The following CBFB variants were observed in gnomAD, a reference collection of about 807,000 sequenced individuals.
CBFB encodes core-binding factor subunit beta.
CBFB carries 9 observed loss-of-function variants against 30.4 expected under a neutral mutation model. The ratio of observed to expected loss-of-function variants is 0.30; its 90% CI spans 0.18 to 0.52. CBFB has a LOEUF of 0.52. CBFB is among the 20% of genes least tolerant of loss of function. The pLI is 0.97. For missense variants in CBFB, 170 were observed against 244.0 expected (o/e 0.70, Z 2.02); for synonymous variants, 94 against 84.0 (o/e 1.12, Z -0.65).
chr16:67,065,938 G>T (rs1961038645), intron 3 of CBFB, among the ~76,000 whole-genome samples: 2 of 152,274 alleles, frequency 1.3e-5, no homozygotes, highest in South Asian at 4.1e-4. Flanking sequence ...AAGGATAGCA[G>T]TGTTTTGTTC....
At chr16:67,029,561 C>A in intron 1 of CBFB, 76 bp downstream of exon 1, 2 of 1,459,172 alleles carry the variant, frequency 1.4e-6, no homozygotes, top group South Asian at 1.2e-5. Flanking sequence ...GTTTGGGCGG[C>A]ACGGTCCCCG....
At chr16:67,054,982 G>T (rs1172481541) in intron 3 of CBFB, among the ~76,000 whole-genome samples, 1 of 138,360 alleles carries the variant, frequency 7.2e-6, no homozygotes, top group African/African-American at 2.8e-5. Context: ...GCTCTTTTTT[G>T]TGTGTGCTAC....
intron 5 of CBFB, among the ~76,000 whole-genome samples, chr16:67,094,365 G>GACAACTTT (rs1409832240): frequency 6.6e-6 from 1 of 151,882 alleles, no homozygotes. Context: ...ATAATAGCAA[G>GACAACTTT]ACAACTTTTC....
chr16:67,084,978 G>A (rs1164347171), intron 5 of CBFB, among the ~76,000 whole-genome samples: 3 of 152,324 alleles, frequency 2.0e-5, no homozygotes, highest in South Asian at 4.1e-4. Context: ...GTAAATACAT[G>A]TGAAACCACT....
At chr16:67,066,269 C>T (rs538643583) in intron 3 of CBFB, among the ~76,000 whole-genome samples, 18 of 151,604 alleles carry the variant, frequency 1.2e-4, no homozygotes, top group Non-Finnish European at 2.4e-4. Flanking sequence ...AGTGTCTGGC[C>T]GGGCATGGTA....
chr16:67,031,347 C>T (rs1966342573), intron 2 of CBFB, among the ~76,000 whole-genome samples: 1 of 152,150 alleles, frequency 6.6e-6, no homozygotes, highest in Non-Finnish European at 1.5e-5. Context: ...GGTTTTGGCA[C>T]TGAGTGGTAT....
Position 67,029,283 on chromosome 16 carries a change from G to A in CBFB, c.-125G>A. 1 of 578,974 alleles carries A rather than the reference G, an allele frequency of 1.7e-6. No individual in the cohort carries two copies. Among genetic ancestry groups the A allele is most frequent in the Non-Finnish European group, 2.5e-6 (1 of 392,252 alleles). 35.9% of individuals were successfully genotyped at this position (578,974 alleles called of 1,614,324 possible). On this transcript the variant is annotated 5_prime_UTR_variant, in exon 1 of 6. Transcript: ENST00000412916. ...CGGGAGCCCACGCGGGCGGGCGCCT[G>A]AAACAAAGGGAAGCGGGCGTCCGGG...
intron 2 of CBFB, 64 bp downstream of exon 2, chr16:67,029,877 C>A: frequency 2.7e-6 from 3 of 1,100,342 alleles, no homozygotes; most frequent in African/African-American, 1.7e-5. Context: ...CGGCCCAGGC[C>A]GGTTCCGGAC....
chr16:67,046,366 G>T (rs1355728559), intron 3 of CBFB, among the ~76,000 whole-genome samples: 1 of 152,130 alleles, frequency 6.6e-6, no homozygotes, highest in Non-Finnish European at 1.5e-5. Context: ...CTCTCAAAGT[G>T]CTGGGATTAC....
At chr16:67,065,703 T>C (rs1338723405) in intron 3 of CBFB, among the ~76,000 whole-genome samples, 2 of 152,176 alleles carry the variant, frequency 1.3e-5, no homozygotes, top group Admixed American at 6.5e-5. Flanking sequence ...GATTTTGTTA[T>C]AGTATTTAAG....
chr16:67,080,245 A>C (rs1450492096), intron 4 of CBFB, among the ~76,000 whole-genome samples: 1 of 152,220 alleles, frequency 6.6e-6, no homozygotes, highest in Non-Finnish European at 1.5e-5. Context: ...TGTGTGGTAG[A>C]TTGGGTTGAG....
chr16:67,050,729 C>G (rs1200785322), intron 3 of CBFB, among the ~76,000 whole-genome samples: 1 of 151,930 alleles, frequency 6.6e-6, no homozygotes, highest in African/African-American at 2.4e-5. Flanking sequence ...GGAGTTTGAG[C>G]CTACAGTGAA....
At chr16:67,080,860 AGGT>A (rs1961533926) in intron 4 of CBFB, among the ~76,000 whole-genome samples, 1 of 152,234 alleles carries the variant, frequency 6.6e-6, no homozygotes, top group African/African-American at 2.4e-5. Flanking sequence ...AGGATTAAGT[AGGT>A]AAAGAAAACG....
At position 67,098,981 on chromosome 16, in the gene CBFB, G is replaced by T; in HGVS notation, c.*203G>T. The T allele has an allele frequency of 2.3e-6, 1 of 434,846 alleles. No homozygotes were observed. The allele number at this position is 434,846 out of a possible 1,614,324, so 26.9% of individuals were successfully genotyped here. On this transcript the variant is annotated 3_prime_UTR_variant, in exon 6 of 6. Coordinates refer to ENST00000412916, the MANE Select transcript of CBFB (RefSeq NM_022845.3). The stretch of plus-strand genomic sequence containing the variant: ...CCTGCATTTCTAATTTTTTAAGCAT[G>T]TAGCCAGTAATAATTTGAAGTTTTT...
chr16:67,032,089 T>C (rs1966361001), intron 2 of CBFB, among the ~76,000 whole-genome samples: 1 of 152,216 alleles, frequency 6.6e-6, no homozygotes, highest in Non-Finnish European at 1.5e-5. Flanking sequence ...TCTCAGACTT[T>C]GCTGAATGGA....
rs188338048 is a variant in CBFB at position 67,043,166 on chromosome 16, G to A, written c.282+6411G>A. Among the ~76,000 whole-genome samples, 289 of 152,302 alleles carry A rather than the reference G, an allele frequency of 1.9e-3. 1 individual carries two copies. The highest frequency in any genetic ancestry group is 6.4e-3 in the African/African-American group (268 of 41,554). On this transcript the variant is annotated intron_variant, in intron 3 of 5. Coordinates refer to ENST00000412916, the MANE Select transcript of CBFB (RefSeq NM_022845.3). The stretch of plus-strand genomic sequence containing the variant: ...GTCTAGCCCACATTCAACAGGGAGG[G>A]AGGGATTACACAGGGGTGTGAATAC...
chr16:67,090,656 C>T (rs185287224), intron 5 of CBFB, among the ~76,000 whole-genome samples: 1 of 152,266 alleles, frequency 6.6e-6, no homozygotes, highest in African/African-American at 2.4e-5. Context: ...AACTCAGCTC[C>T]AAGGTGACAG....
chr16:67,029,299 G>A lies in CBFB; in HGVS notation c.-109G>A, dbSNP rs1254121262. ...CGGGCGCCTGAAACAAAGGGAAGCGGGCGTCCGGGCGCCGCGGGTGGGCGG... is the reference window on the plus strand; with the variant it reads ...CGGGCGCCTGAAACAAAGGGAAGCGAGCGTCCGGGCGCCGCGGGTGGGCGG... On this transcript the variant is annotated 5_prime_UTR_variant, in exon 1 of 6. Transcript: ENST00000412916. 4.5e-6 allele frequency: 3 copies of A among 664,292 alleles called. No homozygotes were observed. The highest frequency in any genetic ancestry group is 6.4e-6 in the Non-Finnish European group (3 of 466,304). 41.1% of individuals were successfully genotyped at this position (664,292 alleles called of 1,614,324 possible).
Position 67,029,718 on chromosome 16 carries a change from G to T in CBFB, c.79-9G>T, listed in dbSNP as rs375340632. The T allele has an allele frequency of 1.1e-5, 17 of 1,585,446 alleles. No individual in the cohort carries two copies. In the African/African-American group the frequency reaches 2.4e-4, roughly 22 times the overall value. ...TTGGCTCCTGATTTCGGGCCGTCTT[G>T]CCTTGCAGATTAAGTACACGGGCTT... On this transcript the variant is annotated splice_polypyrimidine_tract_variant and intron_variant, in intron 1 of 5. Coordinates refer to ENST00000412916, the MANE Select transcript of CBFB (RefSeq NM_022845.3).
Sources: allele counts gnomAD v4.1 joint callset (sites outside exome capture counted in the v4.1 genomes callset), GRCh38; gene constraint gnomAD v4.1.1; transcripts MANE v1.5; gene names NCBI Gene and HGNC (gene_info 2026-07-23, HGNC 2026-07-21).